The following GALNT10 variants were observed in gnomAD, a reference collection of about 807,000 sequenced individuals.
The protein encoded by GALNT10 is GalNAc transferase 10.
Under a neutral mutation model 75.0 loss-of-function variants are expected in GALNT10, and 41 were observed. The observed-to-expected ratio is 0.55, with a 90% CI of 0.43 to 0.71. GALNT10 has a LOEUF of 0.71. Among genes scored for constraint, GALNT10 ranks in the 30% least tolerant of loss-of-function variants. The probability of loss-of-function intolerance (pLI) is 0.00; values close to 1 mark genes in which losing one functional copy is unlikely to be tolerated. For missense variants in GALNT10, 727 were observed against 818.5 expected, an observed-to-expected ratio of 0.89 and a Z score of 1.36; for synonymous variants, 302 against 313.0, an observed-to-expected ratio of 0.96 and a Z score of 0.37.
chr5:154,273,520 A>C (rs532029233), intron 1 of GALNT10, among the ~76,000 whole-genome samples: 6 of 152,270 alleles, frequency 3.9e-5, no homozygotes, highest in East Asian at 1.9e-4. Flanking sequence ...CAGGAGCATA[A>C]TGTCCAGTAA....
chr5:154,264,635 G>T (rs1299077682), intron 1 of GALNT10, among the ~76,000 whole-genome samples: 1 of 152,074 alleles, frequency 6.6e-6, no homozygotes, highest in African/African-American at 2.4e-5. Context: ...TATTGAAATT[G>T]TTCAAAATTG....
chr5:154,221,802 C>T (rs1752983298), intron 1 of GALNT10, among the ~76,000 whole-genome samples: 1 of 152,232 alleles, frequency 6.6e-6, no homozygotes, highest in Admixed American at 6.5e-5. Context: ...TGCCTAGCTT[C>T]CTGCTTCTTG....
At chr5:154,389,816 T>A (rs1354074913) in intron 7 of GALNT10, among the ~76,000 whole-genome samples, 1 of 152,046 alleles carries the variant, frequency 6.6e-6, no homozygotes, top group Non-Finnish European at 1.5e-5. Flanking sequence ...TTTTCCAGTC[T>A]ACAACAGACT....
At chr5:154,213,006 C>T (rs1281636767) in intron 1 of GALNT10, among the ~76,000 whole-genome samples, 2 of 152,058 alleles carry the variant, frequency 1.3e-5, no homozygotes, top group Middle Eastern at 3.4e-3. Context: ...CAGAGTCAGA[C>T]CTATGGGTTT....
intron 1 of GALNT10, among the ~76,000 whole-genome samples, chr5:154,225,436 G>A (rs1323545326): frequency 6.6e-6 from 1 of 151,240 alleles, no homozygotes; most frequent in Non-Finnish European, 1.5e-5. Flanking sequence ...TGTCGCCCAG[G>A]CTGGAGTGCA....
chr5:154,279,082 T>C (rs1353198169), intron 1 of GALNT10, among the ~76,000 whole-genome samples: 1 of 152,156 alleles, frequency 6.6e-6, no homozygotes, highest in Non-Finnish European at 1.5e-5. Context: ...AATTGTTGGA[T>C]CATATGGTAG....
intron 7 of GALNT10, among the ~76,000 whole-genome samples, chr5:154,395,492 T>C (rs1412935563): frequency 6.6e-6 from 1 of 152,260 alleles, no homozygotes; most frequent in Non-Finnish European, 1.5e-5. Flanking sequence ...GCCTGGAACA[T>C]AATAAATGTT....
At chr5:154,273,256 T>A (rs1294937012) in intron 1 of GALNT10, among the ~76,000 whole-genome samples, 1 of 152,150 alleles carries the variant, frequency 6.6e-6, no homozygotes, top group African/African-American at 2.4e-5. Flanking sequence ...AGCATGCAGT[T>A]TTATAGCTGC....
intron 1 of GALNT10, among the ~76,000 whole-genome samples, chr5:154,247,944 G>A (rs1478292166): frequency 6.6e-6 from 1 of 152,110 alleles, no homozygotes; most frequent in Non-Finnish European, 1.5e-5. Flanking sequence ...TATTGGCTGT[G>A]GGTTTGTCAT....
chr5:154,324,409 G>GC (rs1408544649), intron 3 of GALNT10, among the ~76,000 whole-genome samples: 18 of 152,228 alleles, frequency 1.2e-4, no homozygotes, highest in African/African-American at 4.3e-4. Context: ...CTTCTCAGCT[G>GC]CAGAGTTCCT....
intron 1 of GALNT10, among the ~76,000 whole-genome samples, chr5:154,265,606 G>C (rs372173610): frequency 6.6e-6 from 1 of 152,276 alleles, no homozygotes; most frequent in South Asian, 2.1e-4. Flanking sequence ...AGCAGCAATG[G>C]TTTATGCATA....
chr5:154,413,147 T>C, intron 10 of GALNT10, 142 bp downstream of exon 10: 1 of 630,578 alleles, frequency 1.6e-6, no homozygotes, highest in South Asian at 1.7e-5. Flanking sequence ...TTTTAAGATC[T>C]TCCTGAACAC....
chr5:154,362,190 A>ATGTGTGCATGTGTTTGTTCATGTT (rs1755400770), intron 4 of GALNT10, among the ~76,000 whole-genome samples: 1 of 152,208 alleles, frequency 6.6e-6, no homozygotes, highest in Admixed American at 6.5e-5. Flanking sequence ...GGACACTGGG[A>ATGTGTGCATGTGTTTGTTCATGTT]TGTGTGCATG....
intron 4 of GALNT10, among the ~76,000 whole-genome samples, chr5:154,348,823 G>A (rs1367984927): frequency 6.6e-6 from 1 of 152,100 alleles, no homozygotes; most frequent in Admixed American, 6.5e-5. Flanking sequence ...ACTTTTCAAT[G>A]TCTTAATATC....
At chr5:154,335,029 C>A (rs1370554071) in intron 4 of GALNT10, among the ~76,000 whole-genome samples, 2 of 152,198 alleles carry the variant, frequency 1.3e-5, no homozygotes, top group African/African-American at 4.8e-5. Context: ...CCCAATAAAC[C>A]TCTATTCCCC....
chr5:154,258,369 G>A (rs1334488215), intron 1 of GALNT10, among the ~76,000 whole-genome samples: 1 of 152,182 alleles, frequency 6.6e-6, no homozygotes, highest in Non-Finnish European at 1.5e-5. Context: ...CATTGCCGGG[G>A]AAACCAGATA....
intron 3 of GALNT10, among the ~76,000 whole-genome samples, chr5:154,328,073 A>C (rs1561662184): frequency 9.3e-6 from 1 of 107,456 alleles, no homozygotes. Context: ...TCAACAAACA[A>C]ATCGAAGGGG....
intron 7 of GALNT10, among the ~76,000 whole-genome samples, chr5:154,390,357 G>A (rs1037425623): frequency 6.6e-6 from 1 of 152,152 alleles, no homozygotes; most frequent in Non-Finnish European, 1.5e-5. Context: ...CACCCGACAA[G>A]AATAGTGACT....
intron 1 of GALNT10, among the ~76,000 whole-genome samples, chr5:154,261,369 A>G (rs957122005): frequency 6.6e-6 from 1 of 152,176 alleles, no homozygotes; most frequent in Admixed American, 6.5e-5. Flanking sequence ...CAGCAACACC[A>G]CATACTACTG....
Sources: gnomAD v4.1 joint callset for allele counts (sites outside exome capture counted in the v4.1 genomes callset) on GRCh38, gnomAD v4.1.1 for gene constraint, MANE v1.5 for transcripts, NCBI Gene and HGNC (gene_info 2026-07-23, HGNC 2026-07-21) for gene names.